Variants in ZFR observed in about 807,000 individuals in gnomAD.
The protein encoded by ZFR is zinc finger RNA binding protein.
In ZFR, 19 loss-of-function variants were observed where a neutral mutation model predicts 130.7. The observed-to-expected ratio is 0.15, with a 90% CI of 0.10 to 0.21. ZFR has a LOEUF of 0.21. Among genes scored for constraint, ZFR ranks in the 10% least tolerant of loss-of-function variants. The pLI is 1.00. For missense variants in ZFR, 872 were observed against 1,321.5 expected (o/e 0.66, Z 5.27); for synonymous variants, 466 against 456.9 (o/e 1.02, Z -0.25).
intron 8 of ZFR, among the ~76,000 whole-genome samples, chr5:32,401,839 G>T (rs1440608867): frequency 6.6e-6 from 1 of 152,178 alleles, no homozygotes; most frequent in African/African-American, 2.4e-5. Flanking sequence ...TGGCAACGAA[G>T]AAGTTTTTGT....
At chr5:32,411,130 T>A (rs181342962) in intron 5 of ZFR, among the ~76,000 whole-genome samples, 1 of 152,318 alleles carries the variant, frequency 6.6e-6, no homozygotes, top group Admixed American at 6.5e-5. Context: ...AAATCATGGC[T>A]CCTGTGTGAC....
At chr5:32,421,314 G>GA (rs1001413009) in intron 2 of ZFR, among the ~76,000 whole-genome samples, 219 of 148,624 alleles carry the variant, frequency 1.5e-3, no homozygotes, top group Non-Finnish European at 2.2e-3. Flanking sequence ...CTAAGAGAAA[G>GA]AAAAAAAAAA....
At chr5:32,444,546 C>A (rs1754561856) in intron 1 of ZFR, 76 bp downstream of exon 1, 1 of 1,425,514 alleles carries the variant, frequency 7.0e-7, no homozygotes, top group African/African-American at 1.5e-5. Flanking sequence ...GAGCCTGCCC[C>A]AACCCCCGCG....
intron 8 of ZFR, among the ~76,000 whole-genome samples, chr5:32,402,673 G>A (rs1360217068): frequency 2.0e-5 from 3 of 151,762 alleles, no homozygotes; most frequent in Non-Finnish European, 2.9e-5. Context: ...AGCTACTCAG[G>A]AGACTGAGGT....
At chr5:32,431,807 C>A (rs1370091544) in intron 2 of ZFR, among the ~76,000 whole-genome samples, 1 of 151,062 alleles carries the variant, frequency 6.6e-6, no homozygotes, top group African/African-American at 2.4e-5. Context: ...CACAGAATCA[C>A]CCCAAAGACA....
intron 2 of ZFR, among the ~76,000 whole-genome samples, chr5:32,424,016 A>G (rs1276177706): frequency 1.3e-5 from 2 of 152,232 alleles, no homozygotes; most frequent in Non-Finnish European, 2.9e-5. Flanking sequence ...CTACATGAAG[A>G]TATATTCCAG....
rs769362722 is a variant in ZFR, at chr5:32,370,310, GGAGA to G, written c.2836-6039_2836-6036del. Among the ~76,000 whole-genome samples the G allele has an allele frequency of 2.9e-3, 200 of 69,828 alleles. 1 individual carries two copies. Among genetic ancestry groups the G allele is most frequent in the East Asian group, 0.016 (37 of 2,312 alleles). 45.8% of individuals were successfully genotyped at this position (69,828 alleles called of 152,430 possible). A position where few individuals can be genotyped will look rare whatever the true frequency, so the allele number is the denominator to read the frequency against. On this transcript the variant is annotated intron_variant, in intron 17 of 19. Coordinates refer to ENST00000265069, the MANE Select transcript of ZFR (RefSeq NM_016107.5). ...TATAATAACATTGTGTGTTGTGGGG[GGAGA>G]GAGAGAGAGAGAGAGAGAGAGAGAG...
At chr5:32,386,090 C>A (rs545839211) in intron 14 of ZFR, among the ~76,000 whole-genome samples, 7 of 152,004 alleles carry the variant, frequency 4.6e-5, no homozygotes, top group Admixed American at 1.3e-4. Flanking sequence ...TCCAGAAAAA[C>A]CAGGATTTGC....
chr5:32,387,843 G>A, intron 13 of ZFR, 144 bp from the exon 14 acceptor site: 4 of 723,842 alleles, frequency 5.5e-6, no homozygotes, highest in East Asian at 6.0e-5. Context: ...AGCATTTTTA[G>A]AACTATACTT....
chr5:32,362,052 CAAG>C (rs1752446911), intron 19 of ZFR, among the ~76,000 whole-genome samples: 1 of 152,102 alleles, frequency 6.6e-6, no homozygotes, highest in Non-Finnish European at 1.5e-5. Context: ...TAAGGTCTGA[CAAG>C]AAGAGAAAAT....
At chr5:32,386,795 T>G (rs922292504) in intron 14 of ZFR, among the ~76,000 whole-genome samples, 1 of 152,182 alleles carries the variant, frequency 6.6e-6, no homozygotes, top group Non-Finnish European at 1.5e-5. Context: ...AGTAAGGTAC[T>G]GTTCTAATTC....
At chr5:32,420,639 T>C (rs1279094500) in intron 2 of ZFR, among the ~76,000 whole-genome samples, 1 of 152,146 alleles carries the variant, frequency 6.6e-6, no homozygotes, top group Non-Finnish European at 1.5e-5. Context: ...GGGGAATTTT[T>C]CCCCCAGGGG....
intron 11 of ZFR, among the ~76,000 whole-genome samples, chr5:32,392,956 T>C (rs1199843456): frequency 1.3e-5 from 2 of 152,132 alleles, no homozygotes; most frequent in African/African-American, 2.4e-5. Flanking sequence ...GATCGTGCCA[T>C]TGCACTCCAG....
At chr5:32,380,027 T>G (rs1581686807) in intron 16 of ZFR, 48 bp downstream of exon 16, 1 of 1,497,590 alleles carries the variant, frequency 6.7e-7, no homozygotes, top group Non-Finnish European at 9.3e-7. Flanking sequence ...TGTACTGAAC[T>G]ACTTCTCTCA....
chr5:32,408,451 T>C (rs1753626767), intron 5 of ZFR, among the ~76,000 whole-genome samples: 1 of 152,320 alleles, frequency 6.6e-6, no homozygotes, highest in South Asian at 2.1e-4. Flanking sequence ...ATAGTTTCTA[T>C]ATAGAAGAAC....
At chr5:32,370,093 T>C (rs1480801485) in intron 17 of ZFR, among the ~76,000 whole-genome samples, 1 of 148,574 alleles carries the variant, frequency 6.7e-6, no homozygotes, top group African/African-American at 2.5e-5. Context: ...TGGCAGATTT[T>C]TTTTTTTTTT....
At position 32,381,052 on chromosome 5, in the gene ZFR, T is replaced by C. The variant is rs146061703; in HGVS notation, c.2642-880A>G. On this transcript the variant is annotated intron_variant, in intron 15 of 19. Coordinates refer to ENST00000265069, the MANE Select transcript of ZFR (RefSeq NM_016107.5). ...TTTAAAATTTAAAGTTCCCATAAAG[T>C]ATTTCAAAAAATGATAAAAGAGAAA... 1.1e-3 allele frequency among the ~76,000 whole-genome samples: 161 copies of C among 152,128 alleles called. 1 individual carries two copies. The highest frequency in any genetic ancestry group is 0.01 in the Middle Eastern group (3 of 294).
intron 2 of ZFR, among the ~76,000 whole-genome samples, chr5:32,427,848 G>A (rs1329340413): frequency 6.6e-6 from 1 of 152,190 alleles, no homozygotes; most frequent in Non-Finnish European, 1.5e-5. Context: ...TTTTGACAAG[G>A]ATGCCAAGAC....
chr5:32,436,161 T>G lies in ZFR; in HGVS notation c.137+8068A>C, dbSNP rs978512960. On this transcript the variant is annotated intron_variant, in intron 2 of 19. Transcript: ENST00000265069. ...TATTCTTTTTTTTTTTTTTTTTTTT[T>G]TTTTTGAGATGGAGTCTCGCTCTGT... 3.7e-3 allele frequency among the ~76,000 whole-genome samples: 414 copies of G among 111,884 alleles called. 3 individuals carry two copies. The highest frequency in any genetic ancestry group is 0.013 in the African/African-American group (402 of 31,192). The allele number at this position is 111,884 out of a possible 152,430, so 73.4% of individuals were successfully genotyped here. A position where few individuals can be genotyped will look rare whatever the true frequency, so the allele number is the denominator to read the frequency against.
Sources: allele counts gnomAD v4.1 joint callset (sites outside exome capture counted in the v4.1 genomes callset), GRCh38; gene constraint gnomAD v4.1.1; transcripts MANE v1.5; gene names NCBI Gene and HGNC (gene_info 2026-07-23, HGNC 2026-07-21).